SEC16B: variants seen among roughly 807,000 people sequenced by gnomAD.
SEC16B encodes the protein protein transport protein Sec16B.
In SEC16B, 115 loss-of-function variants were observed where a neutral mutation model predicts 141.8. The observed-to-expected ratio is 0.81, with a 90% CI of 0.70 to 0.95. The LOEUF (loss-of-function observed/expected upper bound fraction) is 0.95, where lower values mean the gene tolerates loss of function less well. Ranked by LOEUF, SEC16B falls within the 40% of genes least tolerant of loss-of-function variation. The pLI, the probability that SEC16B is intolerant of heterozygous loss-of-function variation, is 0.00. For missense variants in SEC16B, 1,291 were observed against 1,312.3 expected (o/e 0.98, Z 0.25); for synonymous variants, 493 against 492.5 (o/e 1.00, Z -0.01).
Position 177,961,293 on chromosome 1 carries a change from T to C in SEC16B, c.787+297A>G, listed in dbSNP as rs78173797. 1.9e-3 allele frequency: 857 copies of C among 453,364 alleles called. 3 individuals carry two copies. The highest frequency in any genetic ancestry group is 2.8e-3 in the Non-Finnish European group (727 of 257,550). 28.1% of individuals were successfully genotyped at this position (453,364 alleles called of 1,614,324 possible). ...AAGCAATGAAGCTTTGCATCTTGCT[T>C]TTGCTTTTCCTAATTCTCTCTGGTC... On this transcript the variant is annotated intron_variant, in intron 6 of 25. Coordinates refer to ENST00000308284, the MANE Select transcript of SEC16B (RefSeq NM_033127.4).
At chr1:177,964,448 C>G (rs991923411) in intron 4 of SEC16B, among the ~76,000 whole-genome samples, 169 bp from the exon 5 acceptor site, 2 of 152,162 alleles carry the variant, frequency 1.3e-5, no homozygotes, top group African/African-American at 4.8e-5. Flanking sequence ...TCTACTAATC[C>G]CAGAAAAACA....
intron 8 of SEC16B, 74 bp from the exon 9 acceptor site, chr1:177,959,049 T>G: frequency 5.3e-6 from 8 of 1,507,170 alleles, no homozygotes; most frequent in Non-Finnish European, 7.2e-6. Flanking sequence ...AGGCTCCTCC[T>G]AAGTGTGCAA....
intron 13 of SEC16B, among the ~76,000 whole-genome samples, chr1:177,946,792 T>G (rs927864051): frequency 6.6e-6 from 1 of 152,138 alleles, no homozygotes; most frequent in Non-Finnish European, 1.5e-5. Context: ...CCTAAAGGAC[T>G]TTTTACGAGG....
chr1:177,966,751 T>G (rs1458646341), intron 2 of SEC16B, among the ~76,000 whole-genome samples: 1 of 152,058 alleles, frequency 6.6e-6, no homozygotes, highest in South Asian at 2.1e-4. Context: ...TGTTTTGTAT[T>G]TTTAGTAGAG....
At chr1:177,934,992 T>C (rs1000693247) in intron 20 of SEC16B, among the ~76,000 whole-genome samples, 3 of 152,010 alleles carry the variant, frequency 2.0e-5, no homozygotes, top group African/African-American at 7.2e-5. Context: ...CTCCCCACTC[T>C]CAGGGCACAG....
intron 11 of SEC16B, among the ~76,000 whole-genome samples, chr1:177,952,784 C>CA (rs1267092634): frequency 6.6e-6 from 1 of 152,166 alleles, no homozygotes; most frequent in African/African-American, 2.4e-5. Context: ...TATTTAACAG[C>CA]ACCCTTGCCA....
In SEC16B at chr1:177,953,776, G is replaced by A. The variant is rs368515201; in HGVS notation, c.1463+503C>T. Among the ~76,000 whole-genome samples the A allele has an allele frequency of 1.4e-4, 22 of 152,142 alleles. No homozygotes were observed. The East Asian group carries it at 3.3e-3, about 23-fold the overall frequency. On this transcript the variant is annotated intron_variant, in intron 11 of 25. Coordinates refer to ENST00000308284, the MANE Select transcript of SEC16B (RefSeq NM_033127.4). ...TTCAGTCTCAACACCTCCCACTGCC[G>A]CCAATGCAGACTTCTGGATCTCACT...
chr1:177,962,451 A>G (rs1653150673), intron 5 of SEC16B, among the ~76,000 whole-genome samples: 2 of 150,452 alleles, frequency 1.3e-5, no homozygotes, highest in Admixed American at 1.3e-4. Context: ...AAAGAAATTC[A>G]TGGGGCCAGG....
chr1:177,950,781 T>C (rs983731068), intron 12 of SEC16B, among the ~76,000 whole-genome samples: 2 of 149,086 alleles, frequency 1.3e-5, no homozygotes, highest in Non-Finnish European at 3.0e-5. Flanking sequence ...AGGGGGAAAT[T>C]GAAGAAATAA....
At chr1:177,966,853 G>A (rs1653563974) in intron 2 of SEC16B, among the ~76,000 whole-genome samples, 1 of 152,196 alleles carries the variant, frequency 6.6e-6, no homozygotes, top group South Asian at 2.1e-4. Flanking sequence ...GGGATTACAG[G>A]CGTGATCCAG....
At chr1:177,979,452 C>A (rs1330843375) in intron 1 of SEC16B, among the ~76,000 whole-genome samples, 3 of 152,186 alleles carry the variant, frequency 2.0e-5, no homozygotes, top group African/African-American at 7.2e-5. Flanking sequence ...GTACTCACAT[C>A]CCTTGCTCTA....
At chr1:177,940,756 G>T in intron 16 of SEC16B, 42 bp from the exon 17 acceptor site, 1 of 1,359,620 alleles carries the variant, frequency 7.4e-7, no homozygotes. Context: ...GAAAGTAAGA[G>T]AGGAGAGGAG....
Position 177,937,422 on chromosome 1 carries a change from G to A in SEC16B, c.2295C>T (p.Thr765=), listed in dbSNP as rs1420315864. 6.2e-7 allele frequency: 1 copy of A among 1,608,132 alleles called. No homozygotes were observed. The highest frequency in any genetic ancestry group is 1.3e-5 in the African/African-American group (1 of 74,930). ...GCTGTGGGCTGGGCTGGAGCAGGCA[G>A]GTCTGCTCAGGTGTCAGCCACAGAG... is the stretch of plus-strand genomic sequence containing the variant. The part of the protein sequence containing the change: ...RSALWLTPEQ[T]CLLQPSPQQP... The change falls in exon 19 of 26, where the codon ACC becomes ACT. Residue 765 remains threonine (T), a synonymous_variant. Transcript: ENST00000308284.
At chr1:177,950,940 G>A (rs1652140336) in intron 12 of SEC16B, among the ~76,000 whole-genome samples, 1 of 133,168 alleles carries the variant, frequency 7.5e-6, no homozygotes, top group Non-Finnish European at 1.6e-5. Context: ...AAGGAGGGAG[G>A]GAGGGAAGGA....
intron 14 of SEC16B, 73 bp from the exon 15 acceptor site, chr1:177,944,739 A>C (rs1651548463): frequency 8.2e-7 from 1 of 1,219,790 alleles, no homozygotes; most frequent in Non-Finnish European, 1.2e-6. Flanking sequence ...GTGGCTCTCC[A>C]AACACCAGCT....
chr1:177,973,735 G>GC (rs1654055218), upstream of SEC16B, among the ~76,000 whole-genome samples: 1 of 152,092 alleles, frequency 6.6e-6, no homozygotes, highest in South Asian at 2.1e-4. Flanking sequence ...TGCAATACCT[G>GC]CCCCAAAGAA....
At chr1:177,983,026 G>A (rs1654483008) in intron 1 of SEC16B, among the ~76,000 whole-genome samples, 1 of 152,044 alleles carries the variant, frequency 6.6e-6, no homozygotes, top group African/African-American at 2.4e-5. Context: ...TTCTATTATA[G>A]AATATCTCAA....
chr1:177,942,340 G>A (rs955013835), intron 15 of SEC16B, among the ~76,000 whole-genome samples: 9 of 152,228 alleles, frequency 5.9e-5, no homozygotes, highest in Non-Finnish European at 1.2e-4. Context: ...CACATATCCA[G>A]AGAGTCTGAT....
intron 7 of SEC16B, 189 bp downstream of exon 7, chr1:177,960,602 A>G (rs1652981296): frequency 1.4e-6 from 1 of 700,660 alleles, no homozygotes. Flanking sequence ...TGTAGCATCA[A>G]TTCTTTCAGA....
Sources: allele counts gnomAD v4.1 joint callset (sites outside exome capture counted in the v4.1 genomes callset), GRCh38; gene constraint gnomAD v4.1.1; transcripts MANE v1.5; gene names NCBI Gene and HGNC (gene_info 2026-07-23, HGNC 2026-07-21).